Variants in MYLK observed in about 807,000 individuals in gnomAD.
MYLK encodes the protein myosin light chain kinase, smooth muscle.
In MYLK, 106 loss-of-function variants were observed where a neutral mutation model predicts 203.4. The ratio of observed to expected loss-of-function variants is 0.52; its 90% CI spans 0.45 to 0.61. The LOEUF is 0.61. Among genes scored for constraint, MYLK ranks in the 20% least tolerant of loss-of-function variants. MYLK has a pLI of 0.00. For synonymous variants in MYLK, 867 were observed against 959.5 expected (o/e 0.90, Z 1.78); for missense variants, 2,072 against 2,442.3 (o/e 0.85, Z 3.20).
chr3:123,716,869 C>T (rs1035739809), intron 13 of MYLK, among the ~76,000 whole-genome samples: 2 of 152,120 alleles, frequency 1.3e-5, no homozygotes, highest in Non-Finnish European at 2.9e-5. Context: ...CACAAACGTA[C>T]ATGTATATGC....
At chr3:123,697,862 T>C (rs1355363724) in intron 18 of MYLK, among the ~76,000 whole-genome samples, 1 of 152,194 alleles carries the variant, frequency 6.6e-6, no homozygotes, top group Non-Finnish European at 1.5e-5. Context: ...GGATCATTTC[T>C]TCTGCTGCTG....
chr3:123,856,532 A>G (rs941251106), intron 2 of MYLK, among the ~76,000 whole-genome samples: 1 of 152,204 alleles, frequency 6.6e-6, no homozygotes, highest in Non-Finnish European at 1.5e-5. Context: ...AACAGCCTTT[A>G]TTTAATGGGG....
intron 32 of MYLK, among the ~76,000 whole-genome samples, chr3:123,619,553 G>T (rs1042192147): frequency 6.6e-6 from 1 of 152,184 alleles, no homozygotes; most frequent in Non-Finnish European, 1.5e-5. Context: ...GGGTGTCTCT[G>T]GCCAAATGAG....
In MYLK at chr3:123,707,895, G is replaced by A; in HGVS notation, c.2249C>T (p.Pro750Leu). 1 of 1,614,248 alleles carries A rather than the reference G, an allele frequency of 6.2e-7. No individual in the cohort carries two copies. The highest frequency in any genetic ancestry group is 8.5e-7 in the Non-Finnish European group (1 of 1,180,048). Reference protein sequence around the residue: ...ISCAIAGDPFPTVHWLRDGKA... With the variant: ...ISCAIAGDPFLTVHWLRDGKA... ...GCCATCTCTGAGCCAGTGCACGGTA[G>A]GAAAGGGGTCACCAGCTATGGCGCA... is the stretch of plus-strand genomic sequence containing the variant. The change falls in exon 16 of 34, where the codon CCT (proline) becomes CTT (leucine). Residue 750 changes from proline to leucine, a missense_variant. Around this residue, in one of 3 missense-constraint regions of MYLK, gnomAD observed 865 missense variants for 1,016.0 expected, o/e 0.85. Transcript: ENST00000360304.
intron 18 of MYLK, among the ~76,000 whole-genome samples, chr3:123,697,836 G>A (rs1248391371): frequency 6.6e-6 from 1 of 152,088 alleles, no homozygotes; most frequent in African/African-American, 2.4e-5. Context: ...TCTCCCCTTC[G>A]TGTGCAGCCT....
At chr3:123,645,477 T>C (rs2058984897) in intron 27 of MYLK, among the ~76,000 whole-genome samples, 1 of 152,144 alleles carries the variant, frequency 6.6e-6, no homozygotes, top group African/African-American at 2.4e-5. Flanking sequence ...GGGAGAGAAT[T>C]CCAAGATGCT....
Position 123,700,379 on chromosome 3 carries a change from T to C in MYLK, c.3089A>G (p.Lys1030Arg), listed in dbSNP as rs1420060387. ...CATTGGCTTCAGGGTCTCAGCAGGCTTGGCGTTGCCCACGGGTTTCAAGGG... is the reference window on the plus strand; with the variant it reads ...CATTGGCTTCAGGGTCTCAGCAGGCCTGGCGTTGCCCACGGGTTTCAAGGG... ...SGPLKPVGNA[K>R]PAETLKPMGN... The change falls in exon 18 of 34, where the codon AAG (lysine) becomes AGG (arginine). Residue 1030 changes from lysine (K) to arginine (R), a missense_variant. By Grantham distance (26) the Lys-to-Arg change is conservative (BLOSUM62 2). This residue lies in a region of MYLK where 865 missense variants were observed against 1,016.0 expected (regional missense o/e 0.85). Transcript: ENST00000360304. The C allele has an allele frequency of 6.2e-7, 1 of 1,613,918 alleles. No individual in the cohort carries two copies. Among genetic ancestry groups the C allele is most frequent in the Non-Finnish European group, 8.5e-7 (1 of 1,179,978 alleles).
chr3:123,656,931 A>C (rs2059406004), intron 24 of MYLK, among the ~76,000 whole-genome samples, 195 bp downstream of exon 24: 1 of 152,192 alleles, frequency 6.6e-6, no homozygotes, highest in South Asian at 2.1e-4. Flanking sequence ...GTTTTTTGAA[A>C]TGTCCTAAGT....
chr3:123,803,240 C>T (rs1317406330), intron 3 of MYLK, among the ~76,000 whole-genome samples: 1 of 152,212 alleles, frequency 6.6e-6, no homozygotes, highest in African/African-American at 2.4e-5. Flanking sequence ...GCATAAAAAG[C>T]GACCTCAGCC....
At chr3:123,620,684 A>G in intron 31 of MYLK, 1 of 1,069,196 alleles carries the variant, frequency 9.4e-7, no homozygotes, top group Non-Finnish European at 1.1e-6. Flanking sequence ...ACAGCTCCAA[A>G]GACTTATTGC....
In MYLK at chr3:123,652,499, C is replaced by T. The variant is rs116214847; in HGVS notation, c.4289-3305G>A. On this transcript the variant is annotated intron_variant, in intron 24 of 33. Coordinates refer to ENST00000360304, the MANE Select transcript of MYLK (RefSeq NM_053025.4). ...CTGGACAGAGAATTGTCCCTTCCTG[C>T]AGCCAAGGACTGTTGCACACCCAGA... is the stretch of plus-strand genomic sequence containing the variant. Among the ~76,000 whole-genome samples, 813 of 152,310 alleles carry T rather than the reference C, an allele frequency of 5.3e-3. 11 individuals carry two copies. The highest frequency in any genetic ancestry group is 0.018 in the African/African-American group (730 of 41,562).
intron 4 of MYLK, among the ~76,000 whole-genome samples, chr3:123,777,856 T>G (rs2109015923): frequency 6.6e-6 from 1 of 152,282 alleles, no homozygotes. Context: ...TCTCCAGAGT[T>G]CCCACTAGTT....
At chr3:123,783,526 T>C (rs980544203) in intron 4 of MYLK, among the ~76,000 whole-genome samples, 3 of 152,216 alleles carry the variant, frequency 2.0e-5, no homozygotes, top group Non-Finnish European at 4.4e-5. Flanking sequence ...TCTTTGACCA[T>C]CTGTCAAATA....
At chr3:123,854,180 G>C (rs937769757) in intron 2 of MYLK, among the ~76,000 whole-genome samples, 2 of 149,778 alleles carry the variant, frequency 1.3e-5, no homozygotes, top group African/African-American at 4.9e-5. Context: ...ATCAAGATCT[G>C]CTGAGCTGGC....
At chr3:123,828,141 T>C (rs913089984) in intron 3 of MYLK, among the ~76,000 whole-genome samples, 5 of 152,120 alleles carry the variant, frequency 3.3e-5, no homozygotes, top group African/African-American at 1.2e-4. Context: ...AGGCCCTAAA[T>C]AGCCAAAGCA....
intron 2 of MYLK, among the ~76,000 whole-genome samples, chr3:123,861,072 G>A (rs1056069943): frequency 6.6e-6 from 1 of 151,088 alleles, no homozygotes; most frequent in African/African-American, 2.4e-5. Context: ...GGAGCCTGCA[G>A]TTAGCTGAGA....
intron 3 of MYLK, among the ~76,000 whole-genome samples, chr3:123,808,182 C>G (rs2065437385): frequency 6.6e-6 from 1 of 152,206 alleles, no homozygotes; most frequent in African/African-American, 2.4e-5. Context: ...TCTGCTAGTT[C>G]CACTTCCACA....
chr3:123,657,226 A>G lies in MYLK; in HGVS notation c.4188T>C (p.Pro1396=). 6.2e-7 allele frequency: 1 copy of G among 1,614,188 alleles called. No individual in the cohort carries two copies. Among genetic ancestry groups the G allele is most frequent in the Non-Finnish European group, 8.5e-7 (1 of 1,180,036 alleles). The change falls in exon 24 of 34, where the codon CCT becomes CCC. Residue 1396 remains proline (P), a synonymous_variant. Transcript: ENST00000360304. ...GTACACGGAACTTATATTCGTGGTC[A>G]GGCAGCAGGTCCTGGACGTTGAAAG... is the stretch of plus-strand genomic sequence containing the variant. ...STSFNVQDLL[P]DHEYKFRVRA... is the part of the protein sequence containing the mutation.
At chr3:123,748,401 C>A (rs1281192243) in intron 5 of MYLK, among the ~76,000 whole-genome samples, 3 of 152,196 alleles carry the variant, frequency 2.0e-5, no homozygotes, top group Non-Finnish European at 2.9e-5. Flanking sequence ...CATATCAACA[C>A]CTGTTCATCC....
Sources: gnomAD v4.1 joint callset for allele counts (sites outside exome capture counted in the v4.1 genomes callset) on GRCh38, gnomAD v4.1.1 for gene constraint, gnomAD v4.1.1 regional missense constraint, MANE v1.5 for transcripts, NCBI Gene and HGNC (gene_info 2026-07-23, HGNC 2026-07-21) for gene names.